The following ESRRG variants were observed in gnomAD, a reference collection of about 807,000 sequenced individuals.
The protein encoded by ESRRG is estrogen-related receptor gamma.
In ESRRG, 13 loss-of-function variants were observed where a neutral mutation model predicts 44.0. That is an observed-to-expected ratio of 0.30 (90% CI 0.19 to 0.47). ESRRG has a LOEUF of 0.47. ESRRG is among the 20% of genes least tolerant of loss of function. The pLI is 1.00. For synonymous variants in ESRRG, 215 were observed against 214.6 expected (o/e 1.00, Z -0.02); for missense variants, 395 against 580.6 (o/e 0.68, Z 3.29).
At chr1:216,853,433 A>G (rs993059300) in intron 2 of ESRRG, among the ~76,000 whole-genome samples, 5 of 152,198 alleles carry the variant, frequency 3.3e-5, no homozygotes, top group Non-Finnish European at 7.3e-5. Context: ...AATACTTGAG[A>G]TCTTTCCTAT....
chr1:217,038,622 GCA>G (rs2083320001), intron 1 of ESRRG, among the ~76,000 whole-genome samples: 1 of 152,210 alleles, frequency 6.6e-6, no homozygotes, highest in South Asian at 2.1e-4. Flanking sequence ...TCCCTAGGCT[GCA>G]TAGAGCAGGG....
rs5780916 is a variant in ESRRG at position 216,735,979 on chromosome 1, C to CAAAAAAAAAA, written c.-13-58489_-13-58488insTTTTTTTTTT. On this transcript the variant is annotated intron_variant, in intron 2 of 7. Transcript: ENST00000359162. ...GGCGACAGAGCAATACTCCCCATCT[C>CAAAAAAAAAA]AAAAAAAAATATATATATATATATA... 2.7e-3 allele frequency among the ~76,000 whole-genome samples: 309 copies of CAAAAAAAAAA among 115,458 alleles called. 3 individuals carry two copies. Among genetic ancestry groups the CAAAAAAAAAA allele is most frequent in the Non-Finnish European group, 4.3e-3 (238 of 55,480 alleles). 75.7% of individuals were successfully genotyped at this position (115,458 alleles called of 152,430 possible).
At chr1:216,550,023 G>T (rs1377445979) in intron 5 of ESRRG, among the ~76,000 whole-genome samples, 1 of 152,040 alleles carries the variant, frequency 6.6e-6, no homozygotes, top group Middle Eastern at 3.2e-3. Context: ...ATCAAAGTTT[G>T]CTTGCCATTG....
intron 1 of ESRRG, among the ~76,000 whole-genome samples, chr1:216,712,767 G>A (rs1366330789): frequency 6.6e-6 from 1 of 152,162 alleles, no homozygotes; most frequent in Non-Finnish European, 1.5e-5. Context: ...TTGAGCAACA[G>A]CTTAAAAGCA....
intron 2 of ESRRG, among the ~76,000 whole-genome samples, chr1:216,658,860 GAAGAGAAGA>G (rs1293740041): frequency 4.0e-4 from 19 of 47,132 alleles, no homozygotes; most frequent in African/African-American, 1.1e-3. Context: ...GAAGAGAAGA[GAAGAGAAGA>G]GAAGAGAAGA....
At chr1:216,698,255 C>T (rs552426464) in intron 1 of ESRRG, among the ~76,000 whole-genome samples, 17 of 152,244 alleles carry the variant, frequency 1.1e-4, no homozygotes, top group Middle Eastern at 3.4e-3. Context: ...CGGTGGCTCA[C>T]GCCTGTAATC....
chr1:216,758,940 T>C (rs7534607), intron 2 of ESRRG, among the ~76,000 whole-genome samples: 2,008 of 152,132 alleles, frequency 0.013, 33 homozygotes, highest in African/African-American at 0.045. Flanking sequence ...TAAGAAGGTA[T>C]TATTATCCCC....
At chr1:217,127,573 T>C (rs141724906) in intron 1 of ESRRG, among the ~76,000 whole-genome samples, 1 of 152,332 alleles carries the variant, frequency 6.6e-6, no homozygotes, top group Non-Finnish European at 1.5e-5. Flanking sequence ...ATCCCTGGAT[T>C]ATTTTATTCT....
intron 1 of ESRRG, among the ~76,000 whole-genome samples, chr1:216,973,567 C>T (rs950239250): frequency 4.6e-5 from 7 of 152,174 alleles, no homozygotes; most frequent in African/African-American, 1.2e-4. Context: ...TGGCTCATGC[C>T]TGTAATCCCA....
At chr1:216,551,512 A>C (rs2056330096) in intron 5 of ESRRG, among the ~76,000 whole-genome samples, 1 of 152,168 alleles carries the variant, frequency 6.6e-6, no homozygotes, top group Non-Finnish European at 1.5e-5. Context: ...TTAAATAATA[A>C]ATAGTTCTAT....
chr1:217,027,215 C>T (rs557847547), intron 1 of ESRRG, among the ~76,000 whole-genome samples: 2 of 152,098 alleles, frequency 1.3e-5, no homozygotes, highest in South Asian at 4.1e-4. Flanking sequence ...AGAAAAGCCA[C>T]AGAGAATTAC....
At chr1:216,875,536 C>T (rs1322375173) in intron 2 of ESRRG, among the ~76,000 whole-genome samples, 1 of 152,140 alleles carries the variant, frequency 6.6e-6, no homozygotes, top group Non-Finnish European at 1.5e-5. Flanking sequence ...CTTCTTCTCC[C>T]TAAGGTTACA....
intron 3 of ESRRG, among the ~76,000 whole-genome samples, chr1:216,582,466 G>A (rs1028250756): frequency 6.6e-6 from 1 of 152,010 alleles, no homozygotes; most frequent in African/African-American, 2.4e-5. Flanking sequence ...TTTTGAGACA[G>A]AGTCTTGCTC....
intron 3 of ESRRG, among the ~76,000 whole-genome samples, chr1:216,613,153 T>A (rs1298469966): frequency 2.0e-5 from 3 of 152,182 alleles, no homozygotes; most frequent in Non-Finnish European, 4.4e-5. Flanking sequence ...TTTCCAGAAA[T>A]GGATTCTTCT....
intron 2 of ESRRG, among the ~76,000 whole-genome samples, chr1:216,869,018 G>A (rs1199619683): frequency 6.6e-6 from 1 of 152,020 alleles, no homozygotes; most frequent in African/African-American, 2.4e-5. Flanking sequence ...CAAGAGAATT[G>A]TCCTCTCATT....
chr1:216,915,486 A>G (rs990857621), intron 2 of ESRRG, among the ~76,000 whole-genome samples: 9 of 152,190 alleles, frequency 5.9e-5, no homozygotes, highest in African/African-American at 2.2e-4. Flanking sequence ...CACTTTGAAC[A>G]TTCAAAGTTC....
chr1:216,760,989 C>T (rs2092737461), intron 2 of ESRRG, among the ~76,000 whole-genome samples: 3 of 151,988 alleles, frequency 2.0e-5, no homozygotes, highest in Non-Finnish European at 4.4e-5. Flanking sequence ...TTTGCTCAGT[C>T]TCCTTTGTTC....
At chr1:216,974,967 A>G (rs1251084199) in intron 1 of ESRRG, among the ~76,000 whole-genome samples, 1 of 152,154 alleles carries the variant, frequency 6.6e-6, no homozygotes, top group Non-Finnish European at 1.5e-5. Flanking sequence ...CCCAGAAAAA[A>G]GAACTGCAAA....
intron 3 of ESRRG, 79 bp from the exon 4 acceptor site, chr1:216,568,177 C>A: frequency 1.0e-6 from 1 of 963,668 alleles, no homozygotes; most frequent in Non-Finnish European, 1.7e-6. Flanking sequence ...TGGTATCCCC[C>A]AAGAGCACAT....
Sources: gnomAD v4.1 joint callset for allele counts (sites outside exome capture counted in the v4.1 genomes callset) on GRCh38, gnomAD v4.1.1 for gene constraint, MANE v1.5 for transcripts, NCBI Gene and HGNC (gene_info 2026-07-23, HGNC 2026-07-21) for gene names.